The following PTPRZ1 variants were observed in gnomAD, a reference collection of about 807,000 sequenced individuals.
PTPRZ1 encodes protein tyrosine phosphatase receptor type Z1, also known as receptor-type tyrosine-protein phosphatase zeta.
A neutral mutation model predicts 214.1 loss-of-function variants in PTPRZ1; 82 were observed. The observed-to-expected ratio is 0.38, with a 90% CI of 0.32 to 0.46. The LOEUF (loss-of-function observed/expected upper bound fraction) is 0.46. Ranked by LOEUF, PTPRZ1 falls within the 20% of genes least tolerant of loss-of-function variation. The pLI, the probability that PTPRZ1 is intolerant of heterozygous loss-of-function variation, is 1.00. For synonymous variants in PTPRZ1, 945 were observed against 987.9 expected (o/e 0.96, Z 0.81); for missense variants, 2,603 against 2,748.7 (o/e 0.95, Z 1.19).
intron 2 of PTPRZ1, among the ~76,000 whole-genome samples, chr7:121,955,051 G>T (rs1196485): frequency 0.2 from 30,886 of 152,144 alleles, 3,356 homozygotes; most frequent in African/African-American, 0.24. Context: ...CAATGAAACA[G>T]TGCTGTGGTT....
chr7:121,977,252 T>G (rs970639970), intron 6 of PTPRZ1, among the ~76,000 whole-genome samples: 1 of 152,208 alleles, frequency 6.6e-6, no homozygotes, highest in Non-Finnish European at 1.5e-5. Flanking sequence ...GTTACTCAAG[T>G]TAAAATTTAT....
chr7:122,047,394 C>T (rs934193902), intron 23 of PTPRZ1, among the ~76,000 whole-genome samples: 8 of 152,000 alleles, frequency 5.3e-5, no homozygotes, highest in African/African-American at 1.9e-4. Context: ...GACATGAGAG[C>T]TTCTTTAAAA....
intron 11 of PTPRZ1, among the ~76,000 whole-genome samples, chr7:122,007,600 G>A (rs1397499529): frequency 6.6e-6 from 1 of 152,072 alleles, no homozygotes; most frequent in Non-Finnish European, 1.5e-5. Flanking sequence ...GCTGGAAAAT[G>A]CATGGAATAT....
chr7:122,012,043 C>T lies in PTPRZ1; in HGVS notation c.2997C>T (p.Ala999=), dbSNP rs746888336. ...CTGGTGATGGGGAATGGTCTGGAGC[C>T]TCTTCTGATAGTGAATTTCTTTTAC... ...ALSGDGEWSG[A]SSDSEFLLPD... Residue 999 remains alanine, a synonymous_variant, in exon 12 of 30, where the codon GCC becomes GCT. Transcript: ENST00000393386. The T allele has an allele frequency of 9.9e-6, 16 of 1,614,118 alleles. No homozygotes were observed. In the South Asian group the frequency reaches 1.8e-4, roughly 18 times the overall value.
At chr7:121,975,722 T>A (rs1797408940) in intron 4 of PTPRZ1, among the ~76,000 whole-genome samples, 1 of 152,114 alleles carries the variant, frequency 6.6e-6, no homozygotes, top group Non-Finnish European at 1.5e-5. Context: ...GAAAGGAGAA[T>A]CAAAATATGA....
chr7:121,993,306 C>T (rs968084919), intron 8 of PTPRZ1, among the ~76,000 whole-genome samples: 30 of 151,682 alleles, frequency 2.0e-4, no homozygotes, highest in Admixed American at 6.6e-4. Context: ...AATCCCAGCA[C>T]TTGGGGAGGC....
At chr7:122,003,875 G>T (rs1360058683) in intron 10 of PTPRZ1, among the ~76,000 whole-genome samples, 2 of 152,160 alleles carry the variant, frequency 1.3e-5, no homozygotes, top group African/African-American at 4.8e-5. Context: ...TCCTGTTTTA[G>T]AACTGAGATA....
chr7:121,897,885 T>A (rs527756123), intron 1 of PTPRZ1, among the ~76,000 whole-genome samples: 37 of 152,216 alleles, frequency 2.4e-4, no homozygotes, highest in Non-Finnish European at 4.4e-4. Context: ...ACTTATTACT[T>A]ATTTGGCCAT....
chr7:122,051,395 A>G (rs1472412997), intron 23 of PTPRZ1, 33 bp from the exon 24 acceptor site: 2 of 1,530,056 alleles, frequency 1.3e-6, no homozygotes, highest in Non-Finnish European at 1.8e-6. Context: ...CTTAAATGAA[A>G]TAACCTATAT....
At chr7:121,911,738 A>G (rs1795282984) in intron 1 of PTPRZ1, among the ~76,000 whole-genome samples, 1 of 150,674 alleles carries the variant, frequency 6.6e-6, no homozygotes, top group African/African-American at 2.5e-5. Context: ...GATCTATCAC[A>G]TATCATATAA....
chr7:121,968,386 T>G (rs578190733), intron 3 of PTPRZ1, among the ~76,000 whole-genome samples: 1 of 152,250 alleles, frequency 6.6e-6, no homozygotes, highest in East Asian at 1.9e-4. Flanking sequence ...CTAGAAGATG[T>G]GATAATGTGA....
chr7:121,930,131 T>C (rs1795880259), intron 2 of PTPRZ1, among the ~76,000 whole-genome samples: 1 of 152,262 alleles, frequency 6.6e-6, no homozygotes, highest in Non-Finnish European at 1.5e-5. Flanking sequence ...ACAATCAAGA[T>C]GTTTATCAGA....
intron 1 of PTPRZ1, among the ~76,000 whole-genome samples, chr7:121,916,082 T>C (rs755311419): frequency 3.2e-4 from 49 of 151,988 alleles, no homozygotes; most frequent in Non-Finnish European, 7.2e-4. Flanking sequence ...GAGACCATCC[T>C]GGCCAACATG....
chr7:122,019,343 T>A, intron 13 of PTPRZ1, 75 bp downstream of exon 13: 1 of 1,394,882 alleles, frequency 7.2e-7, no homozygotes, highest in East Asian at 2.4e-5. Context: ...TGAAAGGTCT[T>A]CAAAGCATAT....
rs754223383 is a variant in PTPRZ1 at position 122,013,308 on chromosome 7, CTGATGATGATGGTGATGA to C, written c.4274_4291del (p.Gly1425_Asp1430del). The stretch of plus-strand genomic sequence containing the variant: ...GTGGGTGGTGGTGAAGATGGTGACA[CTGATGATGATGGTGATGA>C]TGATGATGATGACAGAGGTAGTGAT... On this transcript the variant is annotated inframe_deletion, in exon 12 of 30. Coordinates refer to ENST00000393386, the MANE Select transcript of PTPRZ1 (RefSeq NM_002851.3). 89 of 1,588,918 alleles carry C rather than the reference CTGATGATGATGGTGATGA, an allele frequency of 5.6e-5. No homozygotes were observed. Among genetic ancestry groups the C allele is most frequent in the Admixed American group, 5.2e-5 (3 of 57,440 alleles).
chr7:121,874,039 G>GACACACACACACACACAC lies in PTPRZ1; in HGVS notation c.58+491_58+508dup, dbSNP rs10640393. Reference sequence around the variant, plus strand: ...GTACACGTGTCTGGTGTGAATTGCAGACACACACACACACACACACACACA... The same window carrying GACACACACACACACACAC: ...GTACACGTGTCTGGTGTGAATTGCAGACACACACACACACACACACACACACACACACACACACACACA... On this transcript the variant is annotated intron_variant, in intron 1 of 29. Coordinates refer to ENST00000393386, the MANE Select transcript of PTPRZ1 (RefSeq NM_002851.3). Among the ~76,000 whole-genome samples, 769 of 147,916 alleles carry GACACACACACACACACAC rather than the reference G, an allele frequency of 5.2e-3. 8 individuals carry two copies. Among genetic ancestry groups the GACACACACACACACACAC allele is most frequent in the African/African-American group, 0.017 (686 of 39,932 alleles).
chr7:122,058,748 A>G (rs1792461669), intron 27 of PTPRZ1, 52 bp from the exon 28 acceptor site: 9 of 1,493,090 alleles, frequency 6.0e-6, no homozygotes, highest in Non-Finnish European at 8.3e-6. Context: ...CAATGATTCC[A>G]CTCCTGGTAA....
At position 122,012,857 on chromosome 7, in the gene PTPRZ1, C is replaced by T; in HGVS notation, c.3811C>T (p.Pro1271Ser). The T allele has an allele frequency of 6.2e-7, 1 of 1,613,896 alleles. No homozygotes were observed. The change falls in exon 12 of 30, where the codon CCA becomes TCA. Residue 1271 changes from proline to serine, a missense_variant. By Grantham distance (74) the Pro-to-Ser change is moderately conservative. This residue lies in a region of PTPRZ1 where 1,913 missense variants were observed against 1,914.3 expected (regional missense o/e 1.00). Transcript: ENST00000393386. ...TISYASEKYE[P>S]VLLKSESSHQ... ...TTCCTATGCAAGTGAGAAATATGAACCAGTTTTGTTAAAAAGTGAAAGTTC... is the reference window on the plus strand; with the variant it reads ...TTCCTATGCAAGTGAGAAATATGAATCAGTTTTGTTAAAAAGTGAAAGTTC...
intron 23 of PTPRZ1, among the ~76,000 whole-genome samples, chr7:122,050,162 G>A (rs922125217): frequency 2.0e-5 from 3 of 151,972 alleles, no homozygotes; most frequent in Admixed American, 6.6e-5. Flanking sequence ...AAAATATTGG[G>A]TTGGGCACAG....
Sources: gnomAD v4.1 joint callset for allele counts (sites outside exome capture counted in the v4.1 genomes callset) on GRCh38, gnomAD v4.1.1 for gene constraint, gnomAD v4.1.1 regional missense constraint, MANE v1.5 for transcripts, NCBI Gene and HGNC (gene_info 2026-07-23, HGNC 2026-07-21) for gene names.